INF2: variants seen among roughly 807,000 people sequenced by gnomAD.
INF2 encodes inverted formin-2.
Under a neutral mutation model 123.5 loss-of-function variants are expected in INF2, and 43 were observed. The ratio of observed to expected loss-of-function variants is 0.35; its 90% CI spans 0.27 to 0.45. INF2 has a LOEUF of 0.45. Among genes scored for constraint, INF2 ranks in the 20% least tolerant of loss-of-function variants. The pLI is 1.00. For synonymous variants in INF2, 851 were observed against 745.0 expected (o/e 1.14, Z -2.32); for missense variants, 1,453 against 1,682.7 (o/e 0.86, Z 2.39).
rs752377468 is a variant in INF2 at position 104,701,633 on chromosome 14, G to A, written c.268G>A (p.Ala90Thr). The A allele has an allele frequency of 6.2e-7, 1 of 1,601,228 alleles. No individual in the cohort carries two copies. The highest frequency in any genetic ancestry group is 2.2e-5 in the East Asian group (1 of 44,636). ...GGCGCGGCTGTCGGGCCGCGGCGTT[G>A]CACGTATCTCCGACGCCCTGCTGCA... ...ALARLSGRGV[A>T]RISDALLQLT... Residue 90 changes from alanine (A) to threonine (T), a missense_variant, in exon 2 of 23, where the codon GCA becomes ACA. Around this residue, in one of 8 missense-constraint regions of INF2, gnomAD observed 251 missense variants for 349.4 expected, o/e 0.72. Transcript: ENST00000392634.
At chr14:104,688,452 C>T (rs961220307), upstream of INF2, among the ~76,000 whole-genome samples, 1 of 152,256 alleles carries the variant, frequency 6.6e-6, no homozygotes, top group Non-Finnish European at 1.5e-5. Context: ...TCTCTCCCCT[C>T]GCCCTCACCC....
intron 1 of INF2, among the ~76,000 whole-genome samples, chr14:104,696,734 C>T (rs977427114): frequency 1.3e-5 from 2 of 152,102 alleles, no homozygotes; most frequent in African/African-American, 2.4e-5. Flanking sequence ...TTGGGGCTCT[C>T]GGAGGAGCTA....
upstream of INF2, among the ~76,000 whole-genome samples, chr14:104,687,761 ACCT>A (rs1888706505): frequency 6.6e-6 from 1 of 151,712 alleles, no homozygotes; most frequent in Admixed American, 6.5e-5. This position sits in a 1 kb window ranked among gnomAD's most constrained non-coding sequence, Gnocchi z 5.6. Context: ...CCCACACCTG[ACCT>A]CCTACTCCAG....
At chr14:104,681,866 G>GGGGAGCCAGGCA (rs1318944057) in intron 1 of INF2, among the ~76,000 whole-genome samples, 2 of 152,218 alleles carry the variant, frequency 1.3e-5, no homozygotes, top group African/African-American at 2.4e-5. Flanking sequence ...AAGTCTAACT[G>GGGGAGCCAGGCA]GGGAGCCAGG....
In INF2 at chr14:104,699,530, G is replaced by A. The variant is rs1312635757; in HGVS notation, c.-9-1827G>A. ...AGCAGCGATGAGAAGCCAGGGGAGC[G>A]TGAGGAGCAGCCCAGGACAGGGCCC... On this transcript the variant is annotated intron_variant, in intron 1 of 22. Transcript: ENST00000392634. This position sits in a 1 kb window ranked among gnomAD's most constrained non-coding sequence, Gnocchi z 4.7. The A allele has an allele frequency of 4.6e-5, 45 of 985,314 alleles. No homozygotes were observed. The highest frequency in any genetic ancestry group is 5.3e-5 in the Non-Finnish European group (44 of 829,884). 61.0% of individuals were successfully genotyped at this position (985,314 alleles called of 1,614,324 possible).
chr14:104,718,716 TG>T (rs1890433370), intron 22 of INF2, 78 bp from the exon 23 acceptor site: 5 of 1,578,830 alleles, frequency 3.2e-6, no homozygotes, highest in Admixed American at 1.8e-5. Context: ...TTCAGGGACC[TG>T]GGCACCCAGA....
chr14:104,705,424 A>G (rs1310846056), intron 5 of INF2, among the ~76,000 whole-genome samples: 1 of 152,042 alleles, frequency 6.6e-6, no homozygotes, highest in Non-Finnish European at 1.5e-5. Context: ...CTCAAAAAAA[A>G]AAAACAGAAA....
At chr14:104,703,601 A>G in intron 4 of INF2, 147 bp downstream of exon 4, 2 of 1,123,394 alleles carry the variant, frequency 1.8e-6, no homozygotes, top group Middle Eastern at 2.8e-4. Flanking sequence ...CGGGCCTGCC[A>G]CCACCTGCCC....
intron 1 of INF2, among the ~76,000 whole-genome samples, chr14:104,691,740 C>G (rs1334615227): frequency 6.6e-6 from 1 of 152,120 alleles, no homozygotes; most frequent in Non-Finnish European, 1.5e-5. Context: ...GGCACGGGCT[C>G]CCCGTCGCTG....
chr14:104,702,023 C>A (rs779107736), intron 2 of INF2, among the ~76,000 whole-genome samples: 46 of 152,176 alleles, frequency 3.0e-4, no homozygotes, highest in Non-Finnish European at 1.5e-5. Flanking sequence ...GTGGCTCTGC[C>A]CCACCCTTCC....
In INF2 at chr14:104,713,508, G is replaced by A. The variant is rs764912111; in HGVS notation, c.2942G>A (p.Arg981Lys). 12 of 1,611,644 alleles carry A rather than the reference G, an allele frequency of 7.4e-6. No homozygotes were observed. In the East Asian group the frequency reaches 2.0e-4, roughly 27 times the overall value. Residue 981 changes from arginine to lysine, a missense_variant, in exon 20 of 23, where the codon AGG (arginine) becomes AAG (lysine). Physicochemically the swap from Arg to Lys is conservative, Grantham distance 26. This residue lies in a region of INF2 where 212 missense variants were observed against 266.2 expected (regional missense o/e 0.80). Transcript: ENST00000392634. Reference protein sequence around the residue: ...CVIDALLADIRKGFQLRKTAR... With the variant: ...CVIDALLADIKKGFQLRKTAR... ...ATCGATGCCCTGCTGGCTGACATCA[G>A]GAAGGGCTTCCAGCTGCGGAAGACA... is the stretch of plus-strand genomic sequence containing the variant.
In INF2 at chr14:104,709,287, C is replaced by A. The variant is rs767304781; in HGVS notation, c.1956C>A (p.Asn652Lys). 6.2e-7 allele frequency: 1 copy of A among 1,612,426 alleles called. No individual in the cohort carries two copies. The highest frequency in any genetic ancestry group is 8.5e-7 in the Non-Finnish European group (1 of 1,179,518). Residue 652 changes from asparagine to lysine, a missense_variant, in exon 11 of 23, where the codon AAC becomes AAA. Transcript: ENST00000392634. The part of the protein sequence containing the change: ...NIFLKQFKCS[N>K]EEVAAMIRAG... ...GGTCCTCTCCCTGCTCCAGCTCCAA[C>A]GAGGAGGTCGCTGCTATGATCCGGG...
At chr14:104,708,056 C>T (rs1889868838) in intron 8 of INF2, 54 bp downstream of exon 8, 2 of 1,596,972 alleles carry the variant, frequency 1.3e-6, no homozygotes, top group South Asian at 1.1e-5. Context: ...GGGCTGGTCT[C>T]TGCTGGGGAG....
At chr14:104,697,807 G>T (rs955781043) in intron 1 of INF2, among the ~76,000 whole-genome samples, 3 of 152,256 alleles carry the variant, frequency 2.0e-5, no homozygotes, top group African/African-American at 7.2e-5. Flanking sequence ...TAGCATGGGT[G>T]GGGTGAGCCC....
chr14:104,699,464 T>C lies in INF2; in HGVS notation c.-9-1893T>C. On this transcript the variant is annotated intron_variant, in intron 1 of 22. Transcript: ENST00000392634. The surrounding 1 kb of genome is among the most constrained non-coding windows in gnomAD (Gnocchi z 4.7). ...AGGAGGGGCGTTGGGGACCTGAGGCTGCCTGGGAGGGACCCGGCTGTCTCT... is the reference window on the plus strand; with the variant it reads ...AGGAGGGGCGTTGGGGACCTGAGGCCGCCTGGGAGGGACCCGGCTGTCTCT... The C allele has an allele frequency of 4.1e-6, 4 of 985,212 alleles. No homozygotes were observed. In the South Asian group the frequency reaches 1.4e-4, roughly 35 times the overall value. 61.0% of individuals were successfully genotyped at this position (985,212 alleles called of 1,614,324 possible).
At chr14:104,689,590 T>TACCCCCCCCCCCCCCC, upstream of INF2, 1 of 646,936 alleles carries the variant, frequency 1.5e-6, no homozygotes, top group Non-Finnish European at 1.9e-6. Context: ...CTCCTCTTCC[T>TACCCCCCCCCCCCCCC]CCCGCCCGCC....
intron 6 of INF2, among the ~76,000 whole-genome samples, 180 bp downstream of exon 6, chr14:104,706,356 G>A (rs1180056724): frequency 6.6e-6 from 1 of 152,186 alleles, no homozygotes; most frequent in Non-Finnish European, 1.5e-5. Context: ...GTTGGAAAGG[G>A]AGGTGGCGCC....
At chr14:104,685,222 C>A (rs979220593), upstream of INF2, among the ~76,000 whole-genome samples, 3 of 152,202 alleles carry the variant, frequency 2.0e-5, no homozygotes, top group Non-Finnish European at 4.4e-5. Context: ...CACCCACCGT[C>A]CCTTCTAAGA....
At chr14:104,712,790 G>C in intron 17 of INF2, 38 bp from the exon 18 acceptor site, 1 of 1,574,230 alleles carries the variant, frequency 6.4e-7, no homozygotes, top group Non-Finnish European at 8.6e-7. Context: ...GTGCCCGCGC[G>C]GGGCTCTCAC....
Sources: allele counts gnomAD v4.1 joint callset (sites outside exome capture counted in the v4.1 genomes callset), GRCh38; gene constraint gnomAD v4.1.1; regional missense constraint gnomAD v4.1.1; non-coding constraint Gnocchi (gnomAD v3.1); transcripts MANE v1.5; gene names NCBI Gene and HGNC (gene_info 2026-07-23, HGNC 2026-07-21).